The following CDH7 variants were observed in gnomAD, a reference collection of about 807,000 sequenced individuals.
CDH7 encodes cadherin-7.
Under a neutral mutation model 71.8 loss-of-function variants are expected in CDH7, and 25 were observed. The ratio of observed to expected loss-of-function variants is 0.35; its 90% CI spans 0.25 to 0.49. The LOEUF (loss-of-function observed/expected upper bound fraction) is 0.49, where lower values mean the gene tolerates loss of function less well. CDH7 is among the 20% of genes least tolerant of loss of function. The pLI is 0.99. For missense variants in CDH7, 862 were observed against 974.6 expected, an observed-to-expected ratio of 0.88 and a Z score of 1.54; for synonymous variants, 381 against 363.8, an observed-to-expected ratio of 1.05 and a Z score of -0.54.
At chr18:65,810,741 C>T (rs1329079856) in intron 3 of CDH7, among the ~76,000 whole-genome samples, 1 of 152,076 alleles carries the variant, frequency 6.6e-6, no homozygotes, top group African/African-American at 2.4e-5. Flanking sequence ...GTGTGTTGTT[C>T]CCTGACATGT....
chr18:65,780,297 T>C (rs1910131649), intron 2 of CDH7, among the ~76,000 whole-genome samples: 1 of 116,464 alleles, frequency 8.6e-6, no homozygotes, highest in Non-Finnish European at 1.7e-5. Context: ...GTGCAGAAGC[T>C]CTTTAGTTTA....
At chr18:65,804,308 C>T (rs1216691088) in intron 2 of CDH7, among the ~76,000 whole-genome samples, 1 of 152,010 alleles carries the variant, frequency 6.6e-6, no homozygotes. Flanking sequence ...ATATTTATCT[C>T]CATTTTACAG....
intron 7 of CDH7, among the ~76,000 whole-genome samples, chr18:65,851,970 G>A (rs1460994722): frequency 6.6e-6 from 1 of 152,140 alleles, no homozygotes; most frequent in East Asian, 1.9e-4. Context: ...AAGGCATGCT[G>A]CTTTAATGCT....
intron 11 of CDH7, among the ~76,000 whole-genome samples, chr18:65,867,531 T>C (rs1235053929): frequency 6.6e-6 from 1 of 152,200 alleles, no homozygotes; most frequent in African/African-American, 2.4e-5. Context: ...ATTTTTTTAA[T>C]AAAGGAGAAG....
chr18:65,824,916 T>C (rs1912073621), intron 6 of CDH7, 85 bp downstream of exon 6: 2 of 817,532 alleles, frequency 2.4e-6, no homozygotes. Flanking sequence ...ACAAACCGAA[T>C]GGCCATATGG....
chr18:65,818,245 A>G (rs1412201885), intron 4 of CDH7, among the ~76,000 whole-genome samples: 1 of 152,176 alleles, frequency 6.6e-6, no homozygotes, highest in African/African-American at 2.4e-5. Flanking sequence ...TTTGGATGCT[A>G]TAAGGTTTTG....
chr18:65,840,979 CAT>C (rs1912712515), intron 6 of CDH7, among the ~76,000 whole-genome samples: 1 of 151,882 alleles, frequency 6.6e-6, no homozygotes, highest in African/African-American at 2.4e-5. Flanking sequence ...AATGAGAAGT[CAT>C]ATAAAAAGTA....
intron 4 of CDH7, among the ~76,000 whole-genome samples, chr18:65,819,595 A>C (rs1911843911): frequency 6.6e-6 from 1 of 152,160 alleles, no homozygotes; most frequent in Admixed American, 6.5e-5. Context: ...AGCTACAGAC[A>C]AAAAAGGCTG....
chr18:65,773,727 G>T (rs1916615318), intron 2 of CDH7, among the ~76,000 whole-genome samples: 1 of 152,012 alleles, frequency 6.6e-6, no homozygotes, highest in Non-Finnish European at 1.5e-5. Context: ...AAAAGTTAGT[G>T]AGCTTAATGA....
Position 65,834,095 on chromosome 18 carries a change from C to T in CDH7, c.981+9264C>T, listed in dbSNP as rs138515998. Among the ~76,000 whole-genome samples the T allele has an allele frequency of 1.9e-3, 295 of 151,986 alleles. 3 individuals carry two copies. The highest frequency in any genetic ancestry group is 6.5e-3 in the African/African-American group (270 of 41,440). On this transcript the variant is annotated intron_variant, in intron 6 of 11. Transcript: ENST00000397968. Reference sequence around the variant, plus strand: ...AGGTCAATTTCGGTGGGTAGGATTCCAAGAAAGAGATATTTAAGAAATAGA... The same window carrying T: ...AGGTCAATTTCGGTGGGTAGGATTCTAAGAAAGAGATATTTAAGAAATAGA...
At chr18:65,816,513 T>G (rs1911730434) in intron 4 of CDH7, among the ~76,000 whole-genome samples, 1 of 152,132 alleles carries the variant, frequency 6.6e-6, no homozygotes, top group Admixed American at 6.6e-5. Context: ...AAAGTAAAAT[T>G]TTGACAGGAA....
At chr18:65,794,562 G>T (rs1910838398) in intron 2 of CDH7, among the ~76,000 whole-genome samples, 1 of 151,834 alleles carries the variant, frequency 6.6e-6, no homozygotes, top group Non-Finnish European at 1.5e-5. Context: ...AACCAGTTGG[G>T]GGTCGGGAGC....
chr18:65,770,104 G>A (rs1371282166), intron 2 of CDH7, among the ~76,000 whole-genome samples: 1 of 152,132 alleles, frequency 6.6e-6, no homozygotes, highest in Non-Finnish European at 1.5e-5. Context: ...GTGTGAGCCA[G>A]ATTTAAATCT....
At chr18:65,814,850 C>T (rs751156103) in intron 4 of CDH7, among the ~76,000 whole-genome samples, 5 of 152,106 alleles carry the variant, frequency 3.3e-5, no homozygotes, top group East Asian at 1.9e-4. Flanking sequence ...CAGCTTCTAT[C>T]TCCTGAATGC....
intron 7 of CDH7, among the ~76,000 whole-genome samples, chr18:65,851,277 A>G (rs1433201513): frequency 6.6e-6 from 1 of 152,148 alleles, no homozygotes; most frequent in Non-Finnish European, 1.5e-5. Context: ...ACACACACAC[A>G]CACAAATGCA....
chr18:65,838,639 A>T (rs912022408), intron 6 of CDH7, among the ~76,000 whole-genome samples: 1 of 152,238 alleles, frequency 6.6e-6, no homozygotes, highest in South Asian at 2.1e-4. Context: ...TAAGGAGGTC[A>T]TTGAACTTAA....
chr18:65,781,736 T>G (rs2143830264), intron 2 of CDH7, among the ~76,000 whole-genome samples: 1 of 151,836 alleles, frequency 6.6e-6, no homozygotes, highest in African/African-American at 2.4e-5. Flanking sequence ...CCTTTCTAGC[T>G]ACCCTATTGG....
At chr18:65,822,018 ATTC>A in intron 4 of CDH7, 60 bp from the exon 5 acceptor site, 1 of 1,267,280 alleles carries the variant, frequency 7.9e-7, no homozygotes, top group East Asian at 2.3e-5. Flanking sequence ...TTGTATCAGT[ATTC>A]TTTGTTAGTA....
chr18:65,821,941 A>T (rs1222200414), intron 4 of CDH7, 140 bp from the exon 5 acceptor site: 3 of 644,594 alleles, frequency 4.7e-6, no homozygotes, highest in South Asian at 1.9e-5. Flanking sequence ...TTGGTCTTTA[A>T]TACACAGTAA....
Sources: allele counts gnomAD v4.1 joint callset (sites outside exome capture counted in the v4.1 genomes callset), GRCh38; gene constraint gnomAD v4.1.1; transcripts MANE v1.5; gene names NCBI Gene and HGNC (gene_info 2026-07-23, HGNC 2026-07-21).